The following AGAP1 variants were observed in gnomAD, a reference collection of about 807,000 sequenced individuals.
AGAP1 encodes ArfGAP with GTPase domain, ankyrin repeat and PH domain 1.
A neutral mutation model predicts 105.3 loss-of-function variants in AGAP1; 29 were observed. That is an observed-to-expected ratio of 0.28 (90% CI 0.21 to 0.38). The LOEUF is 0.38. AGAP1 is among the 10% of genes least tolerant of loss of function. AGAP1 has a pLI of 1.00. For missense variants in AGAP1, 998 were observed against 1,165.1 expected (o/e 0.86, Z 2.09); for synonymous variants, 509 against 485.9 (o/e 1.05, Z -0.63).
At chr2:235,873,852 C>G (rs972132881) in intron 9 of AGAP1, among the ~76,000 whole-genome samples, 4 of 152,208 alleles carry the variant, frequency 2.6e-5, no homozygotes, top group Admixed American at 2.6e-4. Flanking sequence ...CTCAGCTTCC[C>G]GGGTAGCTGG....
chr2:235,726,796 A>G (rs1951669966), intron 3 of AGAP1, among the ~76,000 whole-genome samples: 1 of 151,866 alleles, frequency 6.6e-6, no homozygotes, highest in South Asian at 2.1e-4. Flanking sequence ...TAAAATAGAA[A>G]GGCAGGGAGG....
rs955304505 is a variant in AGAP1, at chr2:235,824,637, A to T, written c.1050+17306A>T. Among the ~76,000 whole-genome samples the T allele has an allele frequency of 1.3e-5, 2 of 152,186 alleles. No individual in the cohort carries two copies. Among genetic ancestry groups the T allele is most frequent in the African/African-American group, 4.8e-5 (2 of 41,452 alleles). On this transcript the variant is annotated intron_variant, in intron 9 of 17. Coordinates refer to ENST00000304032, the MANE Select transcript of AGAP1 (RefSeq NM_001037131.3). This position sits in a 1 kb window ranked among gnomAD's most constrained non-coding sequence, Gnocchi z 5.2. ...GATTTGGTGATTCCCTCGGGTCTGC[A>T]TGCTCCTTTTCCCCCTTTTTGTTGT...
rs531760243 is a variant in AGAP1, at chr2:235,720,844, C to G, written c.310+3200C>G. 1 of 380,382 alleles carries G rather than the reference C, an allele frequency of 2.6e-6. No individual in the cohort carries two copies. The highest frequency in any genetic ancestry group is 2.2e-5 in the African/African-American group (1 of 45,474). The allele number at this position is 380,382 out of a possible 1,614,324, so 23.6% of individuals were successfully genotyped here. A position where few individuals can be genotyped will look rare whatever the true frequency, so the allele number is the denominator to read the frequency against. ...TGGTAGAAACATTTCTGGTGCAGAG[C>G]CGTCTCCAGATCCAAGCCTGCTTTT... On this transcript the variant is annotated intron_variant, in intron 3 of 17. Coordinates refer to ENST00000304032, the MANE Select transcript of AGAP1 (RefSeq NM_001037131.3). This position sits in a 1 kb window ranked among gnomAD's most constrained non-coding sequence, Gnocchi z 5.0.
At position 235,882,358 on chromosome 2, in the gene AGAP1, G is replaced by C; in HGVS notation, c.1051-987G>C. 1 of 1,356,056 alleles carries C rather than the reference G, an allele frequency of 7.4e-7. No individual in the cohort carries two copies. Among genetic ancestry groups the C allele is most frequent in the Non-Finnish European group, 1.0e-6 (1 of 968,512 alleles). The allele number at this position is 1,356,056 out of a possible 1,614,324, so 84.0% of individuals were successfully genotyped here. On this transcript the variant is annotated intron_variant, in intron 9 of 17. Coordinates refer to ENST00000304032, the MANE Select transcript of AGAP1 (RefSeq NM_001037131.3). The surrounding 1 kb of genome is among the most constrained non-coding windows in gnomAD (Gnocchi z 4.6). ...ATGACGAGGGCAGGAAATCCTCCGG[G>C]CTCTTAGGAAATTTCACTCCGCTTC... is the stretch of plus-strand genomic sequence containing the variant.
chr2:236,043,870 A>C (rs1446018801), intron 15 of AGAP1, among the ~76,000 whole-genome samples: 2 of 152,088 alleles, frequency 1.3e-5, no homozygotes, highest in Admixed American at 6.6e-5. Flanking sequence ...GTAAGGCTGC[A>C]CTCTGGAAGG....
rs1054629342 is a variant in AGAP1 at position 235,993,347 on chromosome 2, G to A, written c.1645+24724G>A. Among the ~76,000 whole-genome samples the A allele has an allele frequency of 4.6e-5, 7 of 152,136 alleles. No homozygotes were observed. Among genetic ancestry groups the A allele is most frequent in the Non-Finnish European group, 8.8e-5 (6 of 68,026 alleles). On this transcript the variant is annotated intron_variant, in intron 13 of 17. Transcript: ENST00000304032. This position sits in a 1 kb window ranked among gnomAD's most constrained non-coding sequence, Gnocchi z 5.0. ...TCACTTGGGTTAGCCTTGTCCCTTC[G>A]ACTAGGCTGGAAGCCCAAGAAGGCA... is the stretch of plus-strand genomic sequence containing the variant.
rs563489517 is a variant in AGAP1, at chr2:235,836,685, G to A, written c.1050+29354G>A. Among the ~76,000 whole-genome samples, 9 of 152,320 alleles carry A rather than the reference G, an allele frequency of 5.9e-5. No homozygotes were observed. In the South Asian group the frequency reaches 1.9e-3, roughly 32 times the overall value. On this transcript the variant is annotated intron_variant, in intron 9 of 17. Coordinates refer to ENST00000304032, the MANE Select transcript of AGAP1 (RefSeq NM_001037131.3). The stretch of plus-strand genomic sequence containing the variant: ...AGGCATTTAAAGTTAACCAGTTTAA[G>A]TGGGTGATTCCAAAAGTCCAGGGCT...
At position 235,596,887 on chromosome 2, in the gene AGAP1, C is replaced by G. The variant is rs1214874393; in HGVS notation, c.163+102038C>G. 1.3e-5 allele frequency among the ~76,000 whole-genome samples: 2 copies of G among 152,088 alleles called. No individual in the cohort carries two copies. Among genetic ancestry groups the G allele is most frequent in the Non-Finnish European group, 2.9e-5 (2 of 68,028 alleles). ...GACCCCTTGTGGTGGCACGAATGCC[C>G]CTCAGGAGCGCTTGCTCTGTACCCT... is the stretch of plus-strand genomic sequence containing the variant. On this transcript the variant is annotated intron_variant, in intron 1 of 17. Transcript: ENST00000304032. The surrounding 1 kb of genome is among the most constrained non-coding windows in gnomAD (Gnocchi z 5.9).
intron 5 of AGAP1, among the ~76,000 whole-genome samples, chr2:235,745,677 C>CAT (rs755083294): frequency 2.0e-5 from 3 of 152,206 alleles, no homozygotes; most frequent in Non-Finnish European, 2.9e-5. Flanking sequence ...GCCTATCTGA[C>CAT]ATGCCCATCC....
chr2:235,617,768 G>T (rs1946353854), intron 1 of AGAP1, among the ~76,000 whole-genome samples: 1 of 152,170 alleles, frequency 6.6e-6, no homozygotes, highest in African/African-American at 2.4e-5. Context: ...TAATAGTTTG[G>T]ATAGAAACAT....
At chr2:235,579,546 C>T (rs190368444) in intron 1 of AGAP1, among the ~76,000 whole-genome samples, 236 of 152,186 alleles carry the variant, frequency 1.6e-3, no homozygotes, top group African/African-American at 5.4e-3. Context: ...GAGGCCTAGG[C>T]GGGCAGATCA....
At chr2:235,812,167 CTTTTT>C (rs920634079) in intron 9 of AGAP1, among the ~76,000 whole-genome samples, 1 of 148,966 alleles carries the variant, frequency 6.7e-6, no homozygotes, top group Non-Finnish European at 1.5e-5. Context: ...CTCAAAAAAA[CTTTTT>C]TTTTTTAAGT....
At chr2:235,634,964 G>C (rs1946947675) in intron 1 of AGAP1, among the ~76,000 whole-genome samples, 1 of 149,804 alleles carries the variant, frequency 6.7e-6, no homozygotes, top group South Asian at 2.1e-4. Context: ...CTCACCCTCA[G>C]CCTCCCCCCC....
intron 6 of AGAP1, among the ~76,000 whole-genome samples, chr2:235,757,393 G>A (rs1165045474): frequency 6.9e-6 from 1 of 144,808 alleles, no homozygotes; most frequent in Non-Finnish European, 1.5e-5. Flanking sequence ...CCCGGGCTCT[G>A]TGTGCCAGGT....
At position 236,046,453 on chromosome 2, in the gene AGAP1, T is replaced by G. The variant is rs1168147153; in HGVS notation, c.1892-2606T>G. On this transcript the variant is annotated intron_variant, in intron 15 of 17. Transcript: ENST00000304032. This position sits in a 1 kb window ranked among gnomAD's most constrained non-coding sequence, Gnocchi z 5.2. ...TAAGTTCGAGAAGAAAGCGTTGGAC[T>G]TATGAGAGGTTGAGAACCTTGTGAT... is the stretch of plus-strand genomic sequence containing the variant. Among the ~76,000 whole-genome samples, 1 of 152,050 alleles carries G rather than the reference T, an allele frequency of 6.6e-6. No individual in the cohort carries two copies. Among genetic ancestry groups the G allele is most frequent in the East Asian group, 1.9e-4 (1 of 5,180 alleles).
At position 235,864,675 on chromosome 2, in the gene AGAP1, TC is replaced by T. The variant is rs995945753; in HGVS notation, c.1051-18669del. Among the ~76,000 whole-genome samples, 11 of 152,152 alleles carry T rather than the reference TC, an allele frequency of 7.2e-5. No homozygotes were observed. Among genetic ancestry groups the T allele is most frequent in the African/African-American group, 2.4e-4 (10 of 41,448 alleles). On this transcript the variant is annotated intron_variant, in intron 9 of 17. Coordinates refer to ENST00000304032, the MANE Select transcript of AGAP1 (RefSeq NM_001037131.3). This position sits in a 1 kb window ranked among gnomAD's most constrained non-coding sequence, Gnocchi z 5.0. ...GTGAAAGGAAAGAAAAACGAGGCGA[TC>T]AAGAGATAATATTAACTAGAAAAAT... is the stretch of plus-strand genomic sequence containing the variant.
chr2:235,670,046 C>A, intron 1 of AGAP1: 1 of 375,244 alleles, frequency 2.7e-6, no homozygotes, highest in Non-Finnish European at 4.7e-6. Flanking sequence ...TGGCCCGGCG[C>A]CCTCCCGGCC....
At chr2:235,849,738 A>G (rs1177371094) in intron 9 of AGAP1, among the ~76,000 whole-genome samples, 3 of 152,134 alleles carry the variant, frequency 2.0e-5, no homozygotes, top group African/African-American at 4.8e-5. Flanking sequence ...CATGGCCGCT[A>G]GGGCAAGCCC....
intron 12 of AGAP1, among the ~76,000 whole-genome samples, chr2:235,937,073 G>C (rs542734188): frequency 6.6e-6 from 1 of 152,276 alleles, no homozygotes; most frequent in African/African-American, 2.4e-5. Flanking sequence ...CACTGATGCT[G>C]AAGTTTCCTT....
Sources: allele counts gnomAD v4.1 joint callset (sites outside exome capture counted in the v4.1 genomes callset), GRCh38; gene constraint gnomAD v4.1.1; non-coding constraint Gnocchi (gnomAD v3.1); transcripts MANE v1.5; gene names NCBI Gene and HGNC (gene_info 2026-07-23, HGNC 2026-07-21).